ARHGAP15: variants seen among roughly 807,000 people sequenced by gnomAD.
ARHGAP15 encodes the protein Rho GTPase activating protein 15.
In ARHGAP15, 51 loss-of-function variants were observed where a neutral mutation model predicts 63.7. That is an observed-to-expected ratio of 0.80 (90% CI 0.64 to 1.01). The LOEUF is 1.01. Ranked by LOEUF, ARHGAP15 falls within the 50% of genes least tolerant of loss-of-function variation. The pLI, the probability that ARHGAP15 is intolerant of heterozygous loss-of-function variation, is 0.00. For synonymous variants in ARHGAP15, 191 were observed against 193.8 expected (o/e 0.99, Z 0.12); for missense variants, 560 against 564.6 (o/e 0.99, Z 0.08).
intron 10 of ARHGAP15, among the ~76,000 whole-genome samples, chr2:143,524,303 C>T (rs529939214): frequency 6.6e-6 from 1 of 152,170 alleles, no homozygotes; most frequent in African/African-American, 2.4e-5. Context: ...TTTAAAATTC[C>T]CTCATTGCTT....
At chr2:143,503,258 A>C (rs909050383) in intron 9 of ARHGAP15, among the ~76,000 whole-genome samples, 4 of 152,362 alleles carry the variant, frequency 2.6e-5, no homozygotes, top group African/African-American at 9.6e-5. Context: ...ATTAAAATAC[A>C]TGAAGAAAAT....
chr2:143,662,197 C>G (rs1022456767), intron 12 of ARHGAP15, among the ~76,000 whole-genome samples: 9 of 152,144 alleles, frequency 5.9e-5, no homozygotes, highest in Non-Finnish European at 1.3e-4. Flanking sequence ...CAGTGGTTCT[C>G]CCAGCATGCA....
At chr2:143,353,705 G>A (rs1574322090) in intron 6 of ARHGAP15, among the ~76,000 whole-genome samples, 1 of 152,074 alleles carries the variant, frequency 6.6e-6, no homozygotes, top group Admixed American at 6.6e-5. Flanking sequence ...GTTGCAGCCC[G>A]ATTTCATAAT....
intron 9 of ARHGAP15, among the ~76,000 whole-genome samples, chr2:143,506,782 G>T (rs1338842878): frequency 6.6e-6 from 1 of 152,156 alleles, no homozygotes; most frequent in Non-Finnish European, 1.5e-5. Context: ...TCTTTAGATA[G>T]AAATCGGTTT....
rs185883744 is a variant in ARHGAP15 at position 143,756,128 on chromosome 2, C to T, written c.1245-11861C>T. Among the ~76,000 whole-genome samples, 441 of 152,192 alleles carry T rather than the reference C, an allele frequency of 2.9e-3. 1 individual carries two copies. The highest frequency in any genetic ancestry group is 9.5e-3 in the African/African-American group (395 of 41,536). ...AAAACTGCTAAAGATTTTATGTAGG[C>T]GCCCTCAATGAAAAGTAAAGTTGCT... is the stretch of plus-strand genomic sequence containing the variant. On this transcript the variant is annotated intron_variant, in intron 13 of 13. Coordinates refer to ENST00000295095, the MANE Select transcript of ARHGAP15 (RefSeq NM_018460.4).
intron 6 of ARHGAP15, among the ~76,000 whole-genome samples, chr2:143,372,633 A>G (rs1686611634): frequency 6.6e-6 from 1 of 152,144 alleles, no homozygotes; most frequent in Non-Finnish European, 1.5e-5. Context: ...TACCACTTTC[A>G]TTACATTATT....
intron 9 of ARHGAP15, among the ~76,000 whole-genome samples, chr2:143,511,463 T>C (rs73005384): frequency 1.5e-3 from 234 of 152,268 alleles, no homozygotes; most frequent in African/African-American, 5.3e-3. Flanking sequence ...CTAAATAATA[T>C]GCATATTTTT....
chr2:143,629,950 A>G (rs1698997777), intron 12 of ARHGAP15, among the ~76,000 whole-genome samples: 1 of 152,174 alleles, frequency 6.6e-6, no homozygotes, highest in South Asian at 2.1e-4. Flanking sequence ...TTGGCATTCA[A>G]ATACAAATAT....
intron 6 of ARHGAP15, among the ~76,000 whole-genome samples, chr2:143,338,459 T>C (rs561283760): frequency 1.3e-5 from 2 of 152,186 alleles, no homozygotes; most frequent in African/African-American, 4.8e-5. Flanking sequence ...AGTGCAAGCC[T>C]ATGTGACATT....
intron 6 of ARHGAP15, among the ~76,000 whole-genome samples, chr2:143,313,124 A>C (rs890893502): frequency 4.6e-5 from 7 of 152,120 alleles, no homozygotes; most frequent in African/African-American, 1.4e-4. Flanking sequence ...GACTCAGGAG[A>C]GTTAAAAAAG....
At chr2:143,519,043 G>A (rs1046399296) in intron 9 of ARHGAP15, 14 of 379,810 alleles carry the variant, frequency 3.7e-5, no homozygotes, top group East Asian at 5.7e-5. Context: ...CTGCCTAATC[G>A]ATGCCTGAGC....
intron 2 of ARHGAP15, among the ~76,000 whole-genome samples, chr2:143,177,117 G>T (rs1447882432): frequency 6.6e-6 from 1 of 152,190 alleles, no homozygotes; most frequent in Non-Finnish European, 1.5e-5. Flanking sequence ...GAGGAGTATT[G>T]TGAATGACTT....
At chr2:143,288,515 C>T (rs1430391287) in intron 6 of ARHGAP15, among the ~76,000 whole-genome samples, 1 of 151,924 alleles carries the variant, frequency 6.6e-6, no homozygotes, top group Non-Finnish European at 1.5e-5. Flanking sequence ...AACCTAAGGG[C>T]TATTCAGTCT....
At chr2:143,759,629 G>T (rs902272719) in intron 13 of ARHGAP15, among the ~76,000 whole-genome samples, 2 of 151,994 alleles carry the variant, frequency 1.3e-5, no homozygotes, top group Admixed American at 1.3e-4. Flanking sequence ...TTGCTCCCTG[G>T]CCTCCAGCCA....
Position 143,456,121 on chromosome 2 carries a change from A to G in ARHGAP15, c.703+19079A>G, listed in dbSNP as rs540049371. On this transcript the variant is annotated intron_variant, in intron 8 of 13. Coordinates refer to ENST00000295095, the MANE Select transcript of ARHGAP15 (RefSeq NM_018460.4). ...TTAAATCCTGACGCTGCCAGAACCTACATTTGGCTTATGCAAAATTTCCTC... is the reference window on the plus strand; with the variant it reads ...TTAAATCCTGACGCTGCCAGAACCTGCATTTGGCTTATGCAAAATTTCCTC... Among the ~76,000 whole-genome samples, 9 of 152,244 alleles carry G rather than the reference A, an allele frequency of 5.9e-5. No homozygotes were observed. The South Asian group carries it at 1.9e-3, about 32-fold the overall frequency.
intron 1 of ARHGAP15, among the ~76,000 whole-genome samples, chr2:143,138,621 C>T (rs2104985987): frequency 6.6e-6 from 1 of 152,160 alleles, no homozygotes; most frequent in South Asian, 2.1e-4. Flanking sequence ...GGTGTCTTTC[C>T]TCTTTCTCTT....
chr2:143,497,646 G>A (rs150409909), intron 9 of ARHGAP15, among the ~76,000 whole-genome samples: 148 of 152,186 alleles, frequency 9.7e-4, no homozygotes, highest in African/African-American at 3.4e-3. Flanking sequence ...TGCTGCTTTC[G>A]CCTCTGTCGT....
chr2:143,508,556 A>T (rs542718026), intron 9 of ARHGAP15, among the ~76,000 whole-genome samples: 1 of 152,354 alleles, frequency 6.6e-6, no homozygotes, highest in East Asian at 1.9e-4. Context: ...CCAAAAATGC[A>T]TAAAGGATTT....
At chr2:143,518,211 A>G (rs1300680256) in intron 9 of ARHGAP15, among the ~76,000 whole-genome samples, 1 of 152,216 alleles carries the variant, frequency 6.6e-6, no homozygotes, top group Non-Finnish European at 1.5e-5. Flanking sequence ...ATAAAAAACA[A>G]ACATCTGTCT....
Sources: allele counts gnomAD v4.1 joint callset (sites outside exome capture counted in the v4.1 genomes callset), GRCh38; gene constraint gnomAD v4.1.1; transcripts MANE v1.5; gene names NCBI Gene and HGNC (gene_info 2026-07-23, HGNC 2026-07-21).